CDHR3: variants seen among roughly 807,000 people sequenced by gnomAD.
CDHR3 encodes the protein cadherin related family member 3, also known as cadherin-related family member 3.
A neutral mutation model predicts 86.6 loss-of-function variants in CDHR3; 79 were observed. That is an observed-to-expected ratio of 0.91 (90% confidence interval 0.76 to 1.10). The LOEUF is 1.10. Among genes scored for constraint, CDHR3 ranks in the 50% least tolerant of loss-of-function variants. The probability of loss-of-function intolerance (pLI) is 0.00; values close to 1 mark genes in which losing one functional copy is unlikely to be tolerated. For synonymous variants in CDHR3, 421 were observed against 402.4 expected (o/e 1.05, Z -0.55); for missense variants, 1,081 against 1,077.6 (o/e 1.00, Z -0.04).
At chr7:106,001,860 G>A (rs775041874) in intron 7 of CDHR3, among the ~76,000 whole-genome samples, 1 of 152,102 alleles carries the variant, frequency 6.6e-6, no homozygotes, top group Non-Finnish European at 1.5e-5. Flanking sequence ...GATAGTTGTT[G>A]TATTGTTTAG....
At position 106,017,887 on chromosome 7, in the gene CDHR3, C is replaced by G; in HGVS notation, c.1468C>G (p.Leu490Val). 6.2e-7 allele frequency: 1 copy of G among 1,603,006 alleles called. No individual in the cohort carries two copies. Among genetic ancestry groups the G allele is most frequent in the East Asian group, 2.3e-5 (1 of 44,360 alleles). The part of the protein sequence containing the change: ...VGQVRATDKD[L>V]PQSSLLYSIS... ...ACAGGTGCGAGCCACTGATAAAGACCTCCCCCAGAGCAGCCTCCTGTACTC... is the reference window on the plus strand; with the variant it reads ...ACAGGTGCGAGCCACTGATAAAGACGTCCCCCAGAGCAGCCTCCTGTACTC... The change falls in exon 12 of 19, where the codon CTC becomes GTC. Residue 490 changes from leucine to valine, a missense_variant. By Grantham distance (32) the Leu-to-Val change is conservative. Coordinates refer to ENST00000317716, the MANE Select transcript of CDHR3 (RefSeq NM_152750.5).
chr7:105,982,283 A>G (rs1390069698), intron 3 of CDHR3, among the ~76,000 whole-genome samples: 2 of 152,066 alleles, frequency 1.3e-5, no homozygotes, highest in African/African-American at 4.8e-5. Context: ...CCTGGCTAAC[A>G]TGGTGAAACC....
At position 106,026,444 on chromosome 7, in the gene CDHR3, T is replaced by G. The variant is rs576873167; in HGVS notation, c.2259-238T>G. On this transcript the variant is annotated intron_variant, in intron 15 of 18. Transcript: ENST00000317716. Reference sequence around the variant, plus strand: ...TTCCCTGAAGTTTATAAGGTGATACTTTTCAACTCATCAAATTCCCAGAAC... The same window carrying G: ...TTCCCTGAAGTTTATAAGGTGATACGTTTCAACTCATCAAATTCCCAGAAC... Among the ~76,000 whole-genome samples, 20 of 152,334 alleles carry G rather than the reference T, an allele frequency of 1.3e-4. No individual in the cohort carries two copies. The South Asian group carries it at 3.5e-3, about 27-fold the overall frequency.
At chr7:105,965,148 G>A (rs1667254111) in intron 1 of CDHR3, among the ~76,000 whole-genome samples, 1 of 152,126 alleles carries the variant, frequency 6.6e-6, no homozygotes, top group African/African-American at 2.4e-5. Context: ...GTTTTTGGAA[G>A]GGCTACTGTG....
intron 8 of CDHR3, among the ~76,000 whole-genome samples, 176 bp from the exon 9 acceptor site, chr7:106,012,684 T>C (rs1052198074): frequency 1.2e-4 from 18 of 152,114 alleles, no homozygotes; most frequent in African/African-American, 4.3e-4. Flanking sequence ...GTGTTTAAAA[T>C]AGCCCAAAAG....
At chr7:105,984,162 T>A (rs756415502) in intron 3 of CDHR3, 30 bp from the exon 4 acceptor site, 1 of 1,400,442 alleles carries the variant, frequency 7.1e-7, no homozygotes, top group Admixed American at 2.0e-5. Flanking sequence ...TAATAAGATG[T>A]TTCTTATTCC....
At chr7:106,005,042 G>A (rs1833760195) in intron 8 of CDHR3, among the ~76,000 whole-genome samples, 1 of 152,192 alleles carries the variant, frequency 6.6e-6, no homozygotes, top group African/African-American at 2.4e-5. Context: ...TGCCACGGGT[G>A]GCAAGATGGG....
At chr7:105,966,797 A>G (rs1451536460) in intron 1 of CDHR3, among the ~76,000 whole-genome samples, 1 of 152,142 alleles carries the variant, frequency 6.6e-6, no homozygotes, top group Middle Eastern at 3.2e-3. Flanking sequence ...GCCTCCATGT[A>G]GTTGGAAGAG....
intron 4 of CDHR3, among the ~76,000 whole-genome samples, chr7:105,990,263 T>G (rs912453836): frequency 6.6e-6 from 1 of 152,174 alleles, no homozygotes; most frequent in Non-Finnish European, 1.5e-5. Context: ...TGTCTCTTCT[T>G]AAAAACATTC....
chr7:106,024,427 C>T lies in CDHR3; in HGVS notation c.2123C>T (p.Ser708Phe). 5.0e-6 allele frequency: 8 copies of T among 1,614,072 alleles called. No homozygotes were observed. Among genetic ancestry groups the T allele is most frequent in the Non-Finnish European group, 6.8e-6 (8 of 1,179,904 alleles). The change falls in exon 15 of 19, where the codon TCT becomes TTT. Residue 708 changes from serine (S) to phenylalanine (F), a missense_variant. By Grantham distance (155) the Ser-to-Phe change is radical. Transcript: ENST00000317716. ...QVLRKNVYSPSAWYVPFVITL... is the reference protein window; with the variant it reads ...QVLRKNVYSPFAWYVPFVITL... ...CTGAGGAAAAACGTTTACTCTCCATCTGCATGGTACGTGCCGTTTGTCATC... is the reference window on the plus strand; with the variant it reads ...CTGAGGAAAAACGTTTACTCTCCATTTGCATGGTACGTGCCGTTTGTCATC...
chr7:106,022,931 C>T (rs533869431), intron 14 of CDHR3, among the ~76,000 whole-genome samples: 70 of 152,250 alleles, frequency 4.6e-4, no homozygotes, highest in African/African-American at 1.3e-3. Flanking sequence ...ACCCCACCTC[C>T]GCTCCAAAAA....
rs923224316 is a variant in CDHR3, at chr7:106,035,043, C to T, written c.*2346C>T. On this transcript the variant is annotated 3_prime_UTR_variant, in exon 19 of 19. Coordinates refer to ENST00000317716, the MANE Select transcript of CDHR3 (RefSeq NM_152750.5). The stretch of plus-strand genomic sequence containing the variant: ...GCAGTGGGCTGAGATTGCGCCACTG[C>T]ACTCCAGCCTGGGTGACAAGGGCAA... Among the ~76,000 whole-genome samples, 4 of 150,848 alleles carry T rather than the reference C, an allele frequency of 2.7e-5. No individual in the cohort carries two copies. Among genetic ancestry groups the T allele is most frequent in the African/African-American group, 7.3e-5 (3 of 40,876 alleles).
chr7:105,966,725 G>A (rs937584333), intron 1 of CDHR3, among the ~76,000 whole-genome samples: 3 of 152,018 alleles, frequency 2.0e-5, no homozygotes, highest in Non-Finnish European at 4.4e-5. Flanking sequence ...GCTCTTCCTT[G>A]CCCATGGCAA....
rs201595088 is a variant in CDHR3, at chr7:105,996,344, C to A, written c.703C>A (p.Arg235Ser). ...NIVNLNDEVP[R>S]FTSPTRVYTV... ...CGTGAACCTCAACGACGAAGTCCCT[C>A]GCTTTACCAGGTAGGCCTGAGGGCA... The change falls in exon 6 of 19, where the codon CGC becomes AGC. Residue 235 changes from arginine (R) to serine (S), a missense_variant. Physicochemically the swap from Arg to Ser is moderately radical, Grantham distance 110 (BLOSUM62 -1). Coordinates refer to ENST00000317716, the MANE Select transcript of CDHR3 (RefSeq NM_152750.5). 288 of 1,590,426 alleles carry A rather than the reference C, an allele frequency of 1.8e-4. 3 individuals are homozygous for A. The East Asian group carries it at 6.1e-3, about 34-fold the overall frequency.
rs1171723056 is a variant in CDHR3, at chr7:106,027,604, A to C, written c.2272+909A>C. The C allele has an allele frequency of 9.0e-6, 4 of 445,812 alleles. No homozygotes were observed. The Admixed American group carries it at 9.8e-5, about 11-fold the overall frequency. 27.6% of individuals were successfully genotyped at this position (445,812 alleles called of 1,614,324 possible). ...TGAGGAGGTGTCCTGGCTTGGCCTC[A>C]AGTAGACTCCAGAGTGTGGGGGAGA... On this transcript the variant is annotated intron_variant, in intron 16 of 18. Coordinates refer to ENST00000317716, the MANE Select transcript of CDHR3 (RefSeq NM_152750.5).
chr7:106,017,436 G>A (rs373989960), intron 11 of CDHR3, among the ~76,000 whole-genome samples: 106 of 152,122 alleles, frequency 7.0e-4, no homozygotes, highest in African/African-American at 2.1e-3. Flanking sequence ...GTGGGCACCT[G>A]TAATCCCAGC....
At position 106,032,779 on chromosome 7, in the gene CDHR3, G is replaced by A; in HGVS notation, c.*82G>A. 2.1e-6 allele frequency: 3 copies of A among 1,415,144 alleles called. No homozygotes were observed. The highest frequency in any genetic ancestry group is 2.5e-5 in the Admixed American group (1 of 40,440). The allele number at this position is 1,415,144 out of a possible 1,614,324, so 87.7% of individuals were successfully genotyped here. A position where few individuals can be genotyped will look rare whatever the true frequency, so the allele number is the denominator to read the frequency against. On this transcript the variant is annotated 3_prime_UTR_variant, in exon 19 of 19. Coordinates refer to ENST00000317716, the MANE Select transcript of CDHR3 (RefSeq NM_152750.5). The stretch of plus-strand genomic sequence containing the variant: ...ATGGGGATGGTGTGGGCATGGTGTA[G>A]GGGGGAAAATGTGGGCTGAGGGGAT...
At chr7:105,966,867 G>A (rs1213210544) in intron 1 of CDHR3, among the ~76,000 whole-genome samples, 1 of 152,070 alleles carries the variant, frequency 6.6e-6, no homozygotes, top group Non-Finnish European at 1.5e-5. Context: ...AGATAAACAC[G>A]TCTGTTTCTT....
chr7:106,020,114 T>C (rs980127227), intron 12 of CDHR3, among the ~76,000 whole-genome samples: 1 of 152,136 alleles, frequency 6.6e-6, no homozygotes, highest in African/African-American at 2.4e-5. Flanking sequence ...TAGAAGTTAA[T>C]AGCATAGGAT....
Sources: gnomAD v4.1 joint callset for allele counts (sites outside exome capture counted in the v4.1 genomes callset) on GRCh38, gnomAD v4.1.1 for gene constraint, MANE v1.5 for transcripts, NCBI Gene and HGNC (gene_info 2026-07-23, HGNC 2026-07-21) for gene names.